The following CDC14A variants were observed in gnomAD, a reference collection of about 807,000 sequenced individuals.
CDC14A encodes the protein dual specificity protein phosphatase CDC14A.
In CDC14A, 53 loss-of-function variants were observed where a neutral mutation model predicts 74.4. The ratio of observed to expected loss-of-function variants is 0.71; its 90% confidence interval spans 0.57 to 0.89. The LOEUF is 0.89. CDC14A is among the 40% of genes least tolerant of loss of function. The pLI is 0.00. For missense variants in CDC14A, 646 were observed against 713.7 expected, an observed-to-expected ratio of 0.91 and a Z score of 1.08; for synonymous variants, 247 against 258.4, an observed-to-expected ratio of 0.96 and a Z score of 0.43.
At chr1:100,412,706 A>ATATATATATATATATTTTT (rs1363182551) in intron 4 of CDC14A, among the ~76,000 whole-genome samples, 1 of 101,316 alleles carries the variant, frequency 9.9e-6, no homozygotes, top group East Asian at 2.5e-4. Flanking sequence ...TTATATATAT[A>ATATATATATATATATTTTT]TATATATATA....
chr1:100,376,663 A>G (rs1238994342), intron 2 of CDC14A, among the ~76,000 whole-genome samples: 1 of 152,174 alleles, frequency 6.6e-6, no homozygotes, highest in Non-Finnish European at 1.5e-5. Flanking sequence ...AGTTAAATTC[A>G]TGATGTTGGC....
chr1:100,484,868 C>T, intron 11 of CDC14A: 1 of 981,708 alleles, frequency 1.0e-6, no homozygotes, highest in South Asian at 4.7e-5. Context: ...ATGATTAGGG[C>T]ACTTTTTTAA....
At chr1:100,486,618 A>C (rs1002127808) in intron 11 of CDC14A, among the ~76,000 whole-genome samples, 4 of 152,236 alleles carry the variant, frequency 2.6e-5, no homozygotes, top group Non-Finnish European at 5.9e-5. Context: ...AAGGGCAAAC[A>C]AACTCTTAAT....
intron 1 of CDC14A, chr1:100,345,323 TTAATAA>T (rs1246092859): frequency 7.9e-5 from 12 of 152,096 alleles, no homozygotes; most frequent in African/African-American, 2.9e-4. Context: ...ATGCTTAATA[TTAATAA>T]TATTTGTATT....
chr1:100,435,334 G>A (rs893449049), intron 5 of CDC14A, among the ~76,000 whole-genome samples: 4 of 152,210 alleles, frequency 2.6e-5, no homozygotes, highest in Admixed American at 6.5e-5. Context: ...CATGCACAAT[G>A]TTCTCTGGGT....
intron 3 of CDC14A, among the ~76,000 whole-genome samples, chr1:100,385,990 A>G (rs1656802461): frequency 6.6e-6 from 1 of 151,960 alleles, no homozygotes; most frequent in South Asian, 2.1e-4. Context: ...AACATGGTGA[A>G]ACCCCATCTC....
intron 4 of CDC14A, among the ~76,000 whole-genome samples, chr1:100,398,280 A>G (rs980093759): frequency 2.0e-5 from 3 of 152,138 alleles, no homozygotes; most frequent in South Asian, 2.1e-4. Context: ...CCTACTTCCT[A>G]TCACTCACTT....
At position 100,518,201 on chromosome 1, in the gene CDC14A, G is replaced by A. The variant is rs754679832; in HGVS notation, c.1756-50G>A. 202 of 1,489,116 alleles carry A rather than the reference G, an allele frequency of 1.4e-4. 1 individual carries two copies. The highest frequency in any genetic ancestry group is 1.7e-4 in the Middle Eastern group (1 of 5,854). The allele number at this position is 1,489,116 out of a possible 1,614,324, so 92.2% of individuals were successfully genotyped here. A position where few individuals can be genotyped will look rare whatever the true frequency, so the allele number is the denominator to read the frequency against. ...GGAGAAGCTGCATGACTTGCTAGAA[G>A]TTTTACATGTGATGGAATTTAACCT... On this transcript the variant is annotated intron_variant, in intron 15 of 15. Coordinates refer to ENST00000336454, the MANE Select transcript of CDC14A (RefSeq NM_003672.4).
chr1:100,465,794 G>A (rs1571262212), intron 9 of CDC14A, among the ~76,000 whole-genome samples: 1 of 152,166 alleles, frequency 6.6e-6, no homozygotes, highest in African/African-American at 2.4e-5. Context: ...ATACAGCAAC[G>A]TTGTGATAGT....
chr1:100,438,588 A>T (rs1176536108), intron 5 of CDC14A, among the ~76,000 whole-genome samples: 1 of 152,228 alleles, frequency 6.6e-6, no homozygotes, highest in Admixed American at 6.5e-5. Flanking sequence ...GTGAGTTCAG[A>T]TGATATTTAA....
chr1:100,362,505 G>A (rs1025580363), intron 2 of CDC14A, among the ~76,000 whole-genome samples: 2 of 151,856 alleles, frequency 1.3e-5, no homozygotes, highest in Admixed American at 6.6e-5. Flanking sequence ...TAATATTTCG[G>A]GGAAAGGATA....
In CDC14A at chr1:100,443,020, C is replaced by T. The variant is rs945468899; in HGVS notation, c.519+24C>T. ...AGGTTTGTACATTTAATTTTTTTTA[C>T]AAAACATAATTTCATGTTGATTAAT... On this transcript the variant is annotated intron_variant, in intron 7 of 15. Transcript: ENST00000336454. 9 of 1,454,532 alleles carry T rather than the reference C, an allele frequency of 6.2e-6. No homozygotes were observed. In the African/African-American group the frequency reaches 9.8e-5, roughly 16 times the overall value. The allele number at this position is 1,454,532 out of a possible 1,614,324, so 90.1% of individuals were successfully genotyped here.
intron 15 of CDC14A, among the ~76,000 whole-genome samples, chr1:100,504,248 T>C (rs1649036839): frequency 6.6e-6 from 1 of 152,224 alleles, no homozygotes; most frequent in Non-Finnish European, 1.5e-5. Context: ...TATGCACTCT[T>C]CTATCTTAAT....
intron 7 of CDC14A, among the ~76,000 whole-genome samples, chr1:100,447,321 G>A (rs746476015): frequency 2.0e-5 from 3 of 152,162 alleles, no homozygotes; most frequent in Admixed American, 6.5e-5. Flanking sequence ...GTTGGCTTCC[G>A]TCTTGGAAAA....
chr1:100,483,534 A>G (rs1429591198), intron 10 of CDC14A, among the ~76,000 whole-genome samples: 8 of 152,176 alleles, frequency 5.3e-5, no homozygotes, highest in Non-Finnish European at 1.0e-4. Flanking sequence ...ACAGTGTGTT[A>G]TAGGATAGAA....
At chr1:100,439,853 A>G in intron 5 of CDC14A, 79 bp from the exon 6 acceptor site, 2 of 971,832 alleles carry the variant, frequency 2.1e-6, no homozygotes, top group South Asian at 2.7e-5. Flanking sequence ...GCACATCTCC[A>G]GCTGACTTTG....
intron 10 of CDC14A, among the ~76,000 whole-genome samples, chr1:100,475,516 T>C (rs1465420456): frequency 6.6e-6 from 1 of 152,230 alleles, no homozygotes; most frequent in Non-Finnish European, 1.5e-5. Context: ...TGTATCTGGC[T>C]TCTTACACTG....
chr1:100,436,822 T>C (rs1664397174), intron 5 of CDC14A, among the ~76,000 whole-genome samples: 1 of 152,232 alleles, frequency 6.6e-6, no homozygotes, highest in South Asian at 2.1e-4. Flanking sequence ...TTCAAAATTT[T>C]ATTGTTTTGT....
At chr1:100,431,607 C>T (rs534519651) in intron 5 of CDC14A, among the ~76,000 whole-genome samples, 10 of 151,230 alleles carry the variant, frequency 6.6e-5, no homozygotes, top group South Asian at 6.3e-4. Flanking sequence ...TTTAGGAGGC[C>T]GAGGCAAGAG....
Sources: gnomAD v4.1 joint callset for allele counts (sites outside exome capture counted in the v4.1 genomes callset) on GRCh38, gnomAD v4.1.1 for gene constraint, MANE v1.5 for transcripts, NCBI Gene and HGNC (gene_info 2026-07-23, HGNC 2026-07-21) for gene names.